NFIB: variants seen among roughly 807,000 people sequenced by gnomAD.
NFIB encodes nuclear factor I B.
A neutral mutation model predicts 61.5 loss-of-function variants in NFIB; 11 were observed. The observed-to-expected ratio is 0.18, with a 90% CI of 0.11 to 0.30. The LOEUF (loss-of-function observed/expected upper bound fraction) is 0.30, where lower values mean the gene tolerates loss of function less well. Ranked by LOEUF, NFIB falls within the 10% of genes least tolerant of loss-of-function variation. NFIB has a pLI of 1.00. For synonymous variants in NFIB, 260 were observed against 216.5 expected, an observed-to-expected ratio of 1.20 and a Z score of -1.76; for missense variants, 471 against 608.9, an observed-to-expected ratio of 0.77 and a Z score of 2.38.
At chr9:14,383,892 C>A (rs1460618669) in intron 1 of NFIB, among the ~76,000 whole-genome samples, 1 of 152,222 alleles carries the variant, frequency 6.6e-6, no homozygotes, top group East Asian at 1.9e-4. Context: ...AATCTTACAA[C>A]TGCAAGAGCG....
chr9:14,186,008 A>G (rs2047297944), intron 2 of NFIB, among the ~76,000 whole-genome samples: 1 of 152,182 alleles, frequency 6.6e-6, no homozygotes, highest in Non-Finnish European at 1.5e-5. Flanking sequence ...TAAACTTTCT[A>G]CTCCTAGATG....
At chr9:14,514,654 G>A in the NFIB span, among the ~76,000 whole-genome samples, 4 of 152,114 alleles carry the variant, frequency 2.6e-5, no homozygotes, top group African/African-American at 9.7e-5. Context: ...TTGAGAGATG[G>A]CTGAATTGAT....
At chr9:14,357,275 G>A (rs2061187136) in intron 1 of NFIB, 1 of 151,920 alleles carries the variant, frequency 6.6e-6, no homozygotes, top group Non-Finnish European at 1.5e-5. Context: ...CAAACCCCAT[G>A]ACTCTGATTT....
the NFIB span, among the ~76,000 whole-genome samples, chr9:14,507,374 C>T: frequency 6.6e-6 from 1 of 152,338 alleles, no homozygotes; most frequent in Admixed American, 6.5e-5. Flanking sequence ...TCACAGTCAA[C>T]ACGACAGTTG....
chr9:14,198,463 T>C (rs1347351519), intron 2 of NFIB, among the ~76,000 whole-genome samples: 1 of 152,066 alleles, frequency 6.6e-6, no homozygotes, highest in African/African-American at 2.4e-5. Context: ...ATAATCTAGA[T>C]TCCAATTAAA....
chr9:14,165,873 T>C (rs2044729813), intron 3 of NFIB, among the ~76,000 whole-genome samples: 1 of 152,164 alleles, frequency 6.6e-6, no homozygotes, highest in African/African-American at 2.4e-5. Context: ...GGAGAGCTGT[T>C]ATTTAACAGG....
At chr9:14,378,718 C>T (rs1165599225) in intron 1 of NFIB, among the ~76,000 whole-genome samples, 1 of 152,136 alleles carries the variant, frequency 6.6e-6, no homozygotes, top group Non-Finnish European at 1.5e-5. Flanking sequence ...GGTGAACAGG[C>T]ATCATCTGCA....
chr9:14,473,321 G>A, the NFIB span, among the ~76,000 whole-genome samples: 9 of 152,150 alleles, frequency 5.9e-5, no homozygotes, highest in African/African-American at 1.7e-4. Flanking sequence ...TTTGACACAC[G>A]GTGAAGATTC....
intron 1 of NFIB, among the ~76,000 whole-genome samples, chr9:14,391,965 AG>A (rs1236464140): frequency 6.6e-6 from 1 of 152,174 alleles, no homozygotes; most frequent in African/African-American, 2.4e-5. Context: ...CTTTCCTCCA[AG>A]GAAACAAGAA....
chr9:14,514,915 T>C, the NFIB span, among the ~76,000 whole-genome samples: 4 of 152,180 alleles, frequency 2.6e-5, no homozygotes, highest in Admixed American at 2.6e-4. Flanking sequence ...TATGTAGCCA[T>C]AGTTGAGAAC....
chr9:14,522,397 C>T, the NFIB span, among the ~76,000 whole-genome samples: 4 of 152,086 alleles, frequency 2.6e-5, no homozygotes, highest in Admixed American at 2.6e-4. Flanking sequence ...AATGAATAGC[C>T]TCACATACGA....
chr9:14,108,172 T>C (rs539630074), intron 10 of NFIB, among the ~76,000 whole-genome samples: 8 of 152,208 alleles, frequency 5.3e-5, no homozygotes, highest in South Asian at 2.1e-4. Flanking sequence ...CCAGAAGTCA[T>C]GTGATAGCGT....
intron 2 of NFIB, among the ~76,000 whole-genome samples, chr9:14,266,072 GT>G (rs1403623182): frequency 6.6e-6 from 1 of 152,114 alleles, no homozygotes; most frequent in African/African-American, 2.4e-5. Context: ...AAAGATGTGG[GT>G]TCCTCTCCCG....
At chr9:14,331,765 T>C (rs377614662) in intron 1 of NFIB, among the ~76,000 whole-genome samples, 2 of 152,346 alleles carry the variant, frequency 1.3e-5, no homozygotes, top group East Asian at 3.9e-4. Context: ...ACGATTCCCT[T>C]ACCTTCGAAA....
intron 1 of NFIB, among the ~76,000 whole-genome samples, chr9:14,390,387 TG>T (rs2061605872): frequency 6.6e-6 from 1 of 152,148 alleles, no homozygotes; most frequent in African/African-American, 2.4e-5. Context: ...AAGAGAAGCC[TG>T]AAGCATCTTG....
At chr9:14,360,768 T>A (rs1472614303) in intron 1 of NFIB, among the ~76,000 whole-genome samples, 1 of 152,008 alleles carries the variant, frequency 6.6e-6, no homozygotes. Context: ...ATGGTCTCGA[T>A]CTCCTGACCT....
chr9:14,097,667 T>C (rs1185131068), intron 10 of NFIB, among the ~76,000 whole-genome samples: 1 of 152,076 alleles, frequency 6.6e-6, no homozygotes, highest in African/African-American at 2.4e-5. Flanking sequence ...CAAACACATA[T>C]ATGTAATACA....
chr9:14,350,698 A>G (rs1221156204), intron 1 of NFIB, among the ~76,000 whole-genome samples: 2 of 152,186 alleles, frequency 1.3e-5, no homozygotes, highest in Non-Finnish European at 2.9e-5. Context: ...CTTTCTTTTT[A>G]AAATGTAAAT....
At chr9:14,433,323 A>G in the NFIB span, among the ~76,000 whole-genome samples, 1 of 152,208 alleles carries the variant, frequency 6.6e-6, no homozygotes, top group Non-Finnish European at 1.5e-5. Context: ...CCCATTGTCT[A>G]CTTATAATAT....
Sources: gnomAD v4.1 joint callset for allele counts (sites outside exome capture counted in the v4.1 genomes callset) on GRCh38, gnomAD v4.1.1 for gene constraint, MANE v1.5 for transcripts, NCBI Gene and HGNC (gene_info 2026-07-23, HGNC 2026-07-21) for gene names.